Variants in TIGAR observed in about 807,000 individuals in gnomAD.
TIGAR encodes fructose-2,6-bisphosphatase TIGAR.
A neutral mutation model predicts 17.9 loss-of-function variants in TIGAR; 7 were observed. That is an observed-to-expected ratio of 0.39 (90% CI 0.22 to 0.73). TIGAR has a LOEUF of 0.73. Ranked by LOEUF, TIGAR falls within the 30% of genes least tolerant of loss-of-function variation. The pLI is 0.42. For synonymous variants in TIGAR, 94 were observed against 108.6 expected (o/e 0.87, Z 0.84); for missense variants, 258 against 327.4 (o/e 0.79, Z 1.64).
intron 1 of TIGAR, among the ~76,000 whole-genome samples, chr12:4,329,267 T>G (rs1338055844): frequency 6.6e-6 from 1 of 151,928 alleles, no homozygotes; most frequent in Non-Finnish European, 1.5e-5. Flanking sequence ...AAGGAATGAG[T>G]TATGGACATT....
intron 2 of TIGAR, among the ~76,000 whole-genome samples, chr12:4,332,136 G>A (rs1485729030): frequency 1.3e-5 from 2 of 151,580 alleles, no homozygotes; most frequent in Admixed American, 6.6e-5. Context: ...ACAATGGAAC[G>A]TCAAGAAAGT....
intron 1 of TIGAR, chr12:4,324,252 G>A: frequency 1.6e-6 from 1 of 621,034 alleles, no homozygotes; most frequent in South Asian, 2.0e-5. Context: ...CAGCACTACT[G>A]AAGGGTCTGG....
intron 2 of TIGAR, among the ~76,000 whole-genome samples, chr12:4,332,906 A>C (rs1278553457): frequency 6.6e-6 from 1 of 152,204 alleles, no homozygotes; most frequent in African/African-American, 2.4e-5. Flanking sequence ...TCAATTTATG[A>C]GTGCAGTATT....
Position 4,358,716 on chromosome 12 carries a change from T to G in TIGAR, c.*6025T>G, listed in dbSNP as rs995425240. On this transcript the variant is annotated 3_prime_UTR_variant, in exon 6 of 6. Transcript: ENST00000179259. ...AATTCTGTCAATTATTTTGTTGATG[T>G]ACCTGTGGCTTTTTTTTTTTTTCTG... Among the ~76,000 whole-genome samples the G allele has an allele frequency of 6.6e-6, 1 of 151,154 alleles. No individual in the cohort carries two copies. The highest frequency in any genetic ancestry group is 1.5e-5 in the Non-Finnish European group (1 of 67,890).
intron 3 of TIGAR, among the ~76,000 whole-genome samples, chr12:4,341,273 GA>G (rs549814351): frequency 0.28 from 42,586 of 151,612 alleles, 6,328 homozygotes; most frequent in Middle Eastern, 0.46. Context: ...AAATGACAAA[GA>G]GAGGGGGGGC....
chr12:4,345,056 A>G (rs1023397482), intron 3 of TIGAR, among the ~76,000 whole-genome samples: 22 of 152,312 alleles, frequency 1.4e-4, no homozygotes, highest in African/African-American at 4.1e-4. Context: ...TACAAGGGAT[A>G]TGAAGGACCT....
intron 2 of TIGAR, among the ~76,000 whole-genome samples, chr12:4,334,386 G>A (rs545737538): frequency 9.2e-5 from 14 of 152,250 alleles, no homozygotes; most frequent in African/African-American, 3.4e-4. Context: ...TCCACCCTAG[G>A]ATCTAATCAC....
intron 2 of TIGAR, among the ~76,000 whole-genome samples, chr12:4,336,720 CA>C (rs2120666353): frequency 6.6e-6 from 1 of 152,238 alleles, no homozygotes; most frequent in Non-Finnish European, 1.5e-5. Context: ...CGCCCCAACA[CA>C]GTACCTGTAA....
In TIGAR at chr12:4,354,927, C is replaced by T. The variant is rs1463770932; in HGVS notation, c.*2236C>T. ...TTTTTTTTTAGTAGAGACGGGGTTT[C>T]GCCATGTTGGCCAGGCTGGTCTTGA... On this transcript the variant is annotated 3_prime_UTR_variant, in exon 6 of 6. Coordinates refer to ENST00000179259, the MANE Select transcript of TIGAR (RefSeq NM_020375.3). Among the ~76,000 whole-genome samples, 6 of 148,788 alleles carry T rather than the reference C, an allele frequency of 4.0e-5. No individual in the cohort carries two copies. The highest frequency in any genetic ancestry group is 2.0e-4 in the East Asian group (1 of 4,998).
chr12:4,347,024 C>G (rs1195689713), intron 3 of TIGAR, among the ~76,000 whole-genome samples: 2 of 152,042 alleles, frequency 1.3e-5, no homozygotes, highest in African/African-American at 4.8e-5. Flanking sequence ...ATAGAGCTAC[C>G]ATGTGATCCA....
chr12:4,346,817 T>C (rs1864786672), intron 3 of TIGAR, among the ~76,000 whole-genome samples: 1 of 152,136 alleles, frequency 6.6e-6, no homozygotes, highest in Non-Finnish European at 1.5e-5. Context: ...ACATCATTGG[T>C]AATCAGAGAA....
intron 2 of TIGAR, among the ~76,000 whole-genome samples, chr12:4,336,252 A>G (rs1361610704): frequency 6.6e-6 from 1 of 152,182 alleles, no homozygotes; most frequent in Non-Finnish European, 1.5e-5. Flanking sequence ...CCTCGCTCCC[A>G]AGAATGTTGT....
Position 4,356,061 on chromosome 12 carries a change from A to G in TIGAR, c.*3370A>G, listed in dbSNP as rs186279699. Among the ~76,000 whole-genome samples the G allele has an allele frequency of 1.6e-3, 250 of 152,350 alleles. 1 individual carries two copies. The highest frequency in any genetic ancestry group is 5.7e-3 in the African/African-American group (237 of 41,584). ...TGAGATGCCATTGGCCAGTTTGGGC[A>G]GTGATGTGATCAGACTTGTTTCAGC... On this transcript the variant is annotated 3_prime_UTR_variant, in exon 6 of 6. Transcript: ENST00000179259.
chr12:4,330,041 G>T (rs1864587679), intron 1 of TIGAR, among the ~76,000 whole-genome samples: 1 of 152,050 alleles, frequency 6.6e-6, no homozygotes, highest in Non-Finnish European at 1.5e-5. Context: ...CATTCATATT[G>T]GCCAAATCCA....
chr12:4,358,210 C>T lies in TIGAR; in HGVS notation c.*5519C>T, dbSNP rs907040660. Reference sequence around the variant, plus strand: ...CCAAGGTGGGTGGATTACCTGAGGTCAGGAGTTCAAGACCAGCCTGGCCAA... The same window carrying T: ...CCAAGGTGGGTGGATTACCTGAGGTTAGGAGTTCAAGACCAGCCTGGCCAA... On this transcript the variant is annotated 3_prime_UTR_variant, in exon 6 of 6. Transcript: ENST00000179259. 6.7e-6 allele frequency among the ~76,000 whole-genome samples: 1 copy of T among 148,470 alleles called. No homozygotes were observed. The highest frequency in any genetic ancestry group is 2.0e-4 in the East Asian group (1 of 5,122).
chr12:4,346,720 G>A (rs1045307242), intron 3 of TIGAR, among the ~76,000 whole-genome samples: 1 of 151,898 alleles, frequency 6.6e-6, no homozygotes, highest in Non-Finnish European at 1.5e-5. Flanking sequence ...AAACCTGCAC[G>A]TCGTGCACAT....
At chr12:4,330,107 AGATTCCAG>A in intron 1 of TIGAR, among the ~76,000 whole-genome samples, 1 of 152,288 alleles carries the variant, frequency 6.6e-6, no homozygotes, top group African/African-American at 2.4e-5. Context: ...ACAAGCGGCA[AGATTCCAG>A]GATGAGGCCT....
intron 4 of TIGAR, 39 bp from the exon 5 acceptor site, chr12:4,351,228 A>G (rs780134972): frequency 2.1e-5 from 34 of 1,583,936 alleles, no homozygotes; most frequent in Middle Eastern, 1.7e-4. Context: ...TTATATTGCA[A>G]TTTCATTTGA....
intron 3 of TIGAR, among the ~76,000 whole-genome samples, chr12:4,339,832 G>A (rs1856741980): frequency 6.6e-6 from 1 of 152,152 alleles, no homozygotes; most frequent in African/African-American, 2.4e-5. Context: ...AAAAGCATTT[G>A]ATAAAATCTA....
Sources: gnomAD v4.1 joint callset for allele counts (sites outside exome capture counted in the v4.1 genomes callset) on GRCh38, gnomAD v4.1.1 for gene constraint, MANE v1.5 for transcripts, NCBI Gene and HGNC (gene_info 2026-07-23, HGNC 2026-07-21) for gene names.